The following ADAMTSL3 variants were observed in gnomAD, a reference collection of about 807,000 sequenced individuals.
ADAMTSL3 encodes ADAMTS like 3.
ADAMTSL3 carries 128 observed loss-of-function variants against 201.7 expected under a neutral mutation model. The ratio of observed to expected loss-of-function variants is 0.63; its 90% CI spans 0.55 to 0.73. The LOEUF is 0.73. Among genes scored for constraint, ADAMTSL3 ranks in the 30% least tolerant of loss-of-function variants. The pLI is 0.00. For missense variants in ADAMTSL3, 1,990 were observed against 2,119.6 expected (o/e 0.94, Z 1.20); for synonymous variants, 738 against 748.4 (o/e 0.99, Z 0.23).
At chr15:83,867,679 T>C (rs966332211) in intron 8 of ADAMTSL3, among the ~76,000 whole-genome samples, 9 of 152,234 alleles carry the variant, frequency 5.9e-5, no homozygotes, top group African/African-American at 2.2e-4. Context: ...TACATATAAG[T>C]TTGATGTATT....
At chr15:83,963,246 A>G (rs1299277015) in intron 19 of ADAMTSL3, among the ~76,000 whole-genome samples, 1 of 152,184 alleles carries the variant, frequency 6.6e-6, no homozygotes, top group Non-Finnish European at 1.5e-5. Context: ...CCAGCAAGCT[A>G]AGATCTACTG....
At chr15:83,833,826 T>C (rs2064208050) in intron 6 of ADAMTSL3, among the ~76,000 whole-genome samples, 1 of 152,236 alleles carries the variant, frequency 6.6e-6, no homozygotes, top group Non-Finnish European at 1.5e-5. Flanking sequence ...AGTGGTGAAC[T>C]GGAGGATACA....
intron 4 of ADAMTSL3, among the ~76,000 whole-genome samples, chr15:83,787,925 T>A (rs904051086): frequency 6.6e-6 from 1 of 152,170 alleles, no homozygotes; most frequent in African/African-American, 2.4e-5. Context: ...ATGCAGTTTT[T>A]AAATTATTAT....
Position 83,919,637 on chromosome 15 carries a change from G to T in ADAMTSL3, c.1988-4267G>T, listed in dbSNP as rs560350548. Among the ~76,000 whole-genome samples the T allele has an allele frequency of 3.9e-5, 6 of 152,304 alleles. No homozygotes were observed. The East Asian group carries it at 9.6e-4, about 24-fold the overall frequency. On this transcript the variant is annotated intron_variant, in intron 16 of 29. Transcript: ENST00000286744. ...GGCCATGTTAAAGAAAACAGAGGAG[G>T]AGATGACTAAGATGGCCTTGCGGGT... is the stretch of plus-strand genomic sequence containing the variant.
intron 5 of ADAMTSL3, among the ~76,000 whole-genome samples, chr15:83,809,750 A>G (rs73439409): frequency 0.039 from 5,953 of 152,310 alleles, 348 homozygotes; most frequent in African/African-American, 0.14. Flanking sequence ...TTAAAAGGAA[A>G]TTCTGAAAAT....
chr15:83,668,804 T>G (rs1377286166), intron 2 of ADAMTSL3, among the ~76,000 whole-genome samples: 1 of 152,246 alleles, frequency 6.6e-6, no homozygotes. Context: ...TCTGTTCTGA[T>G]GGGTATTCTC....
chr15:83,883,603 T>G (rs1459230765), intron 9 of ADAMTSL3, among the ~76,000 whole-genome samples: 1 of 152,018 alleles, frequency 6.6e-6, no homozygotes, highest in Non-Finnish European at 1.5e-5. Context: ...TTTCCCAGAC[T>G]GGAGTGCAGT....
intron 21 of ADAMTSL3, among the ~76,000 whole-genome samples, chr15:83,987,050 G>A (rs1411039756): frequency 2.0e-5 from 3 of 152,072 alleles, no homozygotes; most frequent in Non-Finnish European, 1.5e-5. Flanking sequence ...CAAAACAAAG[G>A]CATTATTTGA....
intron 2 of ADAMTSL3, among the ~76,000 whole-genome samples, chr15:83,687,909 A>G (rs899975091): frequency 2.0e-5 from 3 of 152,180 alleles, no homozygotes; most frequent in Admixed American, 6.5e-5. Flanking sequence ...CTAAAAATCA[A>G]ATGAGATTTT....
intron 28 of ADAMTSL3, among the ~76,000 whole-genome samples, chr15:84,035,347 T>C (rs1384564273): frequency 1.3e-5 from 2 of 152,242 alleles, no homozygotes; most frequent in Non-Finnish European, 2.9e-5. Context: ...TTCTTTTAAA[T>C]ATATTATTTG....
At chr15:83,666,082 G>T (rs1029857898) in intron 2 of ADAMTSL3, among the ~76,000 whole-genome samples, 2 of 152,000 alleles carry the variant, frequency 1.3e-5, no homozygotes, top group African/African-American at 2.4e-5. Context: ...GGATTTTGTT[G>T]TATAGATTTC....
intron 5 of ADAMTSL3, among the ~76,000 whole-genome samples, chr15:83,813,900 T>A (rs2063734038): frequency 6.6e-6 from 1 of 152,238 alleles, no homozygotes; most frequent in Admixed American, 6.5e-5. Flanking sequence ...GGAGGTCTAA[T>A]ACCTGAATTC....
intron 3 of ADAMTSL3, among the ~76,000 whole-genome samples, chr15:83,745,918 C>T (rs556526341): frequency 6.6e-5 from 10 of 152,284 alleles, no homozygotes; most frequent in Admixed American, 5.9e-4. Flanking sequence ...ATGACTTTCA[C>T]ATAATCTCTT....
chr15:83,876,791 C>G (rs1266645087), intron 9 of ADAMTSL3, among the ~76,000 whole-genome samples: 30 of 152,010 alleles, frequency 2.0e-4, no homozygotes, highest in Non-Finnish European at 5.9e-5. Flanking sequence ...ACCACCATGC[C>G]TGGCTATTTA....
At chr15:83,809,639 G>T (rs750283094) in intron 5 of ADAMTSL3, among the ~76,000 whole-genome samples, 1 of 151,948 alleles carries the variant, frequency 6.6e-6, no homozygotes, top group African/African-American at 2.4e-5. Context: ...ACTATGTGTC[G>T]GCCCCAGGCA....
At chr15:83,838,976 C>T (rs2064326250) in intron 7 of ADAMTSL3, among the ~76,000 whole-genome samples, 1 of 152,172 alleles carries the variant, frequency 6.6e-6, no homozygotes, top group Admixed American at 6.5e-5. Context: ...GGCTACATTC[C>T]AATGAAACTT....
intron 25 of ADAMTSL3, among the ~76,000 whole-genome samples, chr15:84,019,522 A>G (rs180853916): frequency 7.3e-4 from 111 of 152,334 alleles, no homozygotes; most frequent in African/African-American, 2.6e-3. Context: ...AACATTATTC[A>G]GCAATAGAAG....
chr15:83,934,457 A>G (rs1398320849), intron 17 of ADAMTSL3, among the ~76,000 whole-genome samples: 1 of 152,220 alleles, frequency 6.6e-6, no homozygotes, highest in African/African-American at 2.4e-5. Flanking sequence ...ACAGGCTTAT[A>G]GGCAGAGGGG....
intron 3 of ADAMTSL3, among the ~76,000 whole-genome samples, chr15:83,752,581 C>T (rs1019429678): frequency 1.3e-5 from 2 of 152,116 alleles, no homozygotes; most frequent in Admixed American, 1.3e-4. Context: ...TTCCAAATTA[C>T]TTATATCTTT....
Sources: allele counts gnomAD v4.1 joint callset (sites outside exome capture counted in the v4.1 genomes callset), GRCh38; gene constraint gnomAD v4.1.1; transcripts MANE v1.5; gene names NCBI Gene and HGNC (gene_info 2026-07-23, HGNC 2026-07-21).